Variants in MYO3B observed in about 807,000 individuals in gnomAD.
The protein encoded by MYO3B is myosin IIIB, also known as myosin-IIIb.
Under a neutral mutation model 174.6 loss-of-function variants are expected in MYO3B, and 156 were observed. The ratio of observed to expected loss-of-function variants is 0.89; its 90% CI spans 0.78 to 1.02. The LOEUF (loss-of-function observed/expected upper bound fraction) is 1.02. Among genes scored for constraint, MYO3B ranks in the 50% least tolerant of loss-of-function variants. The pLI, the probability that MYO3B is intolerant of heterozygous loss-of-function variation, is 0.00. For synonymous variants in MYO3B, 563 were observed against 569.1 expected (o/e 0.99, Z 0.15); for missense variants, 1,632 against 1,639.4 (o/e 1.00, Z 0.08).
chr2:170,405,710 A>T (rs1039607861), intron 21 of MYO3B, 77 bp downstream of exon 21: 120 of 1,123,674 alleles, frequency 1.1e-4, no homozygotes, highest in Non-Finnish European at 1.5e-4. Flanking sequence ...TGTGCTGCTC[A>T]TGAAATTGCT....
intron 25 of MYO3B, among the ~76,000 whole-genome samples, chr2:170,486,812 C>T (rs1686094393): frequency 1.3e-5 from 2 of 152,178 alleles, no homozygotes; most frequent in African/African-American, 4.8e-5. Context: ...GATGTCTGAT[C>T]ACCATCATGT....
intron 32 of MYO3B, among the ~76,000 whole-genome samples, chr2:170,631,617 TTGAAA>T (rs892170218): frequency 5.3e-5 from 8 of 151,244 alleles, no homozygotes; most frequent in African/African-American, 1.5e-4. Flanking sequence ...TACACCAAAG[TTGAAA>T]TGAAGGAAAA....
chr2:170,265,859 A>C (rs1163866161), intron 7 of MYO3B, among the ~76,000 whole-genome samples: 1 of 152,216 alleles, frequency 6.6e-6, no homozygotes, highest in South Asian at 2.1e-4. Context: ...ATGAAAACAC[A>C]TGACAGAGGA....
At chr2:170,205,417 GA>G (rs1389432625) in intron 3 of MYO3B, among the ~76,000 whole-genome samples, 2 of 152,114 alleles carry the variant, frequency 1.3e-5, no homozygotes, top group African/African-American at 4.8e-5. Flanking sequence ...TCTCTCAGTA[GA>G]ATTTTAATAG....
intron 7 of MYO3B, among the ~76,000 whole-genome samples, chr2:170,274,220 C>T (rs945807266): frequency 3.0e-4 from 45 of 152,020 alleles, no homozygotes; most frequent in Admixed American, 2.6e-3. Flanking sequence ...TGACGTTAGA[C>T]GTAGGTGAGA....
chr2:170,208,423 G>A (rs958805698), intron 3 of MYO3B, among the ~76,000 whole-genome samples: 2 of 152,154 alleles, frequency 1.3e-5, no homozygotes, highest in Non-Finnish European at 1.5e-5. Flanking sequence ...AGCTCCCTTG[G>A]TCTTACTTTC....
At chr2:170,219,803 A>G (rs1361284904) in intron 6 of MYO3B, among the ~76,000 whole-genome samples, 1 of 151,444 alleles carries the variant, frequency 6.6e-6, no homozygotes, top group Non-Finnish European at 1.5e-5. Context: ...GGAAAGCATA[A>G]CTAAGGTCAC....
At chr2:170,277,955 TA>T (rs2105384287) in intron 7 of MYO3B, among the ~76,000 whole-genome samples, 1 of 152,330 alleles carries the variant, frequency 6.6e-6, no homozygotes, top group Non-Finnish European at 1.5e-5. Flanking sequence ...TATCAGCTTT[TA>T]AAAATTATGT....
At position 170,399,266 on chromosome 2, in the gene MYO3B, AGAGAGAG is replaced by A. The variant is rs1221659372; in HGVS notation, c.1792-921_1792-915del. Among the ~76,000 whole-genome samples, 10 of 56,592 alleles carry A rather than the reference AGAGAGAG, an allele frequency of 1.8e-4. 1 individual carries two copies. Among genetic ancestry groups the A allele is most frequent in the African/African-American group, 5.0e-4 (9 of 18,074 alleles). 37.1% of individuals were successfully genotyped at this position (56,592 alleles called of 152,430 possible). A position where few individuals can be genotyped will look rare whatever the true frequency, so the allele number is the denominator to read the frequency against. ...TCAAAAAAAAAAAAAAAAAAAAAAAAGAGAGAGACCAGTCTGGCCAACAGGGCAAAAC... is the reference window on the plus strand; with the variant it reads ...TCAAAAAAAAAAAAAAAAAAAAAAAAACCAGTCTGGCCAACAGGGCAAAAC... On this transcript the variant is annotated intron_variant, in intron 16 of 34. Coordinates refer to ENST00000408978, the MANE Select transcript of MYO3B (RefSeq NM_138995.5).
intron 7 of MYO3B, among the ~76,000 whole-genome samples, chr2:170,239,900 G>A (rs542131057): frequency 7.2e-4 from 110 of 152,236 alleles, no homozygotes; most frequent in Non-Finnish European, 1.3e-3. Context: ...CACATCAGCG[G>A]GTCAGCAGGG....
chr2:170,184,950 AC>A (rs1397584315), intron 1 of MYO3B, among the ~76,000 whole-genome samples: 1 of 152,192 alleles, frequency 6.6e-6, no homozygotes, highest in East Asian at 1.9e-4. Flanking sequence ...GATTTTGAGC[AC>A]CTTTTCATAA....
chr2:170,552,788 C>T (rs1461612453), intron 32 of MYO3B, among the ~76,000 whole-genome samples: 1 of 152,132 alleles, frequency 6.6e-6, no homozygotes, highest in East Asian at 1.9e-4. Context: ...CATGGCAGCC[C>T]CTCCCATCAA....
chr2:170,231,512 C>T (rs957079260), intron 6 of MYO3B, among the ~76,000 whole-genome samples: 53 of 152,306 alleles, frequency 3.5e-4, no homozygotes, highest in Admixed American at 8.5e-4. Flanking sequence ...TAGTGTTTTT[C>T]TTCTTCCTAA....
chr2:170,264,701 T>A (rs939730323), intron 7 of MYO3B, among the ~76,000 whole-genome samples: 2 of 152,162 alleles, frequency 1.3e-5, no homozygotes, highest in Admixed American at 1.3e-4. Flanking sequence ...AGTTGCTCAA[T>A]AAATAATAGC....
chr2:170,522,469 A>G (rs1016800384), intron 30 of MYO3B, among the ~76,000 whole-genome samples: 17 of 152,138 alleles, frequency 1.1e-4, no homozygotes, highest in African/African-American at 4.1e-4. Flanking sequence ...GACTGCCATT[A>G]TCTCTTTTTC....
chr2:170,427,270 T>C (rs565389464), intron 22 of MYO3B, among the ~76,000 whole-genome samples: 2 of 152,312 alleles, frequency 1.3e-5, no homozygotes, highest in African/African-American at 2.4e-5. Context: ...GGTTTCACTC[T>C]TTCAAAAAAA....
rs1203955546 is a variant in MYO3B at position 170,391,547 on chromosome 2, C to T, written c.1605C>T (p.Tyr535=). 2.6e-6 allele frequency: 4 copies of T among 1,530,352 alleles called. No individual in the cohort carries two copies. The highest frequency in any genetic ancestry group is 2.4e-5 in the East Asian group (1 of 41,786). The allele number at this position is 1,530,352 out of a possible 1,614,324, so 94.8% of individuals were successfully genotyped here. A position where few individuals can be genotyped will look rare whatever the true frequency, so the allele number is the denominator to read the frequency against. ...GAGAGAAAAATTTTCATATATTTTACTATATTTATGCTGGTCTTCATCACC... is the reference window on the plus strand; with the variant it reads ...GAGAGAAAAATTTTCATATATTTTATTATATTTATGCTGGTCTTCATCACC... ...AAREKNFHIF[Y]YIYAGLHHQK... is the part of the protein sequence containing the mutation. The change falls in exon 15 of 35, where the codon TAC becomes TAT. Residue 535 remains tyrosine, a synonymous_variant. Transcript: ENST00000408978.
chr2:170,243,799 G>A (rs752664249), intron 7 of MYO3B, among the ~76,000 whole-genome samples: 7 of 152,166 alleles, frequency 4.6e-5, no homozygotes, highest in Non-Finnish European at 8.8e-5. Context: ...TCAGCTAATT[G>A]ATTGATTGAT....
intron 30 of MYO3B, among the ~76,000 whole-genome samples, chr2:170,529,060 T>C (rs1333726804): frequency 6.6e-6 from 1 of 152,238 alleles, no homozygotes; most frequent in African/African-American, 2.4e-5. Flanking sequence ...TAATTTCACC[T>C]GATAGCTCTC....
Sources: gnomAD v4.1 joint callset for allele counts (sites outside exome capture counted in the v4.1 genomes callset) on GRCh38, gnomAD v4.1.1 for gene constraint, MANE v1.5 for transcripts, NCBI Gene and HGNC (gene_info 2026-07-23, HGNC 2026-07-21) for gene names.